PHF10: variants seen among roughly 807,000 people sequenced by gnomAD.
The protein encoded by PHF10 is PHD finger protein 10.
PHF10 carries 51 observed loss-of-function variants against 68.5 expected under a neutral mutation model. The observed-to-expected ratio is 0.74, with a 90% CI of 0.59 to 0.94. The LOEUF (loss-of-function observed/expected upper bound fraction) is 0.94, where lower values mean the gene tolerates loss of function less well. Ranked by LOEUF, PHF10 falls within the 40% of genes least tolerant of loss-of-function variation. The pLI, the probability that PHF10 is intolerant of heterozygous loss-of-function variation, is 0.00. For synonymous variants in PHF10, 204 were observed against 203.5 expected, an observed-to-expected ratio of 1.00 and a Z score of -0.02; for missense variants, 460 against 602.6, an observed-to-expected ratio of 0.76 and a Z score of 2.48.
Position 169,723,948 on chromosome 6 carries a change from C to G in PHF10, c.-17G>C. 1 of 778,326 alleles carries G rather than the reference C, an allele frequency of 1.3e-6. No individual in the cohort carries two copies. Among genetic ancestry groups the G allele is most frequent in the Middle Eastern group, 6.5e-4 (1 of 1,548 alleles). 48.2% of individuals were successfully genotyped at this position (778,326 alleles called of 1,614,324 possible). A position where few individuals can be genotyped will look rare whatever the true frequency, so the allele number is the denominator to read the frequency against. On this transcript the variant is annotated 5_prime_UTR_variant, in exon 1 of 12. Coordinates refer to ENST00000339209, the MANE Select transcript of PHF10 (RefSeq NM_018288.4). Reference sequence around the variant, plus strand: ...CGCCGCCATCAGCCCGAGCGCCCCGCGCCGCCGCCGCCGCCGTCGCCTCCG... The same window carrying G: ...CGCCGCCATCAGCCCGAGCGCCCCGGGCCGCCGCCGCCGCCGTCGCCTCCG...
At chr6:169,713,023 TAGAA>T (rs781238540) in intron 7 of PHF10, among the ~76,000 whole-genome samples, 9 of 152,196 alleles carry the variant, frequency 5.9e-5, no homozygotes, top group Non-Finnish European at 1.0e-4. Flanking sequence ...AATAATAACA[TAGAA>T]AGCAAAATTT....
At chr6:169,712,611 A>AAGAT (rs1475305472) in intron 7 of PHF10, 72 bp from the exon 8 acceptor site, 23 of 1,334,920 alleles carry the variant, frequency 1.7e-5, no homozygotes, top group Non-Finnish European at 2.3e-5. Flanking sequence ...TTGACCTATG[A>AAGAT]AGATAGCCTT....
In PHF10 at chr6:169,705,116, C is replaced by T; in HGVS notation, c.1411+17G>A. ...TCATCACCCAAAGATAATGTTTGCT[C>T]TTTTTTTAATCTTTACCTGATGGAA... On this transcript the variant is annotated intron_variant, in intron 11 of 11. Transcript: ENST00000339209. 1 of 1,571,692 alleles carries T rather than the reference C, an allele frequency of 6.4e-7. No individual in the cohort carries two copies. Among genetic ancestry groups the T allele is most frequent in the Non-Finnish European group, 8.6e-7 (1 of 1,156,382 alleles).
chr6:169,718,950 T>C (rs1789115651), intron 2 of PHF10, 32 bp from the exon 3 acceptor site: 1 of 1,385,936 alleles, frequency 7.2e-7, no homozygotes, highest in Non-Finnish European at 1.0e-6. Context: ...ATGCATTAAA[T>C]GTAGCTTTCA....
Position 169,705,307 on chromosome 6 carries a change from G to A in PHF10, c.1237C>T (p.Leu413=), listed in dbSNP as rs766880489. 22 of 1,607,220 alleles carry A rather than the reference G, an allele frequency of 1.4e-5. No individual in the cohort carries two copies. The African/African-American group carries it at 2.4e-4, about 18-fold the overall frequency. Reference sequence around the variant, plus strand: ...GAAACAAGCTCCATTGTCATATCCAGGCAAGAAGGATGGCCTAAATCAAAA... The same window carrying A: ...GAAACAAGCTCCATTGTCATATCCAAGCAAGAAGGATGGCCTAAATCAAAA... The part of the protein sequence containing the change: ...QCENSGHPSC[L]DMTMELVSMI... The change falls in exon 11 of 12, where the codon CTG becomes TTG. Residue 413 remains leucine (L), a synonymous_variant. Coordinates refer to ENST00000339209, the MANE Select transcript of PHF10 (RefSeq NM_018288.4).
chr6:169,715,100 TA>T (rs1253150921), intron 6 of PHF10, among the ~76,000 whole-genome samples: 3 of 152,192 alleles, frequency 2.0e-5, no homozygotes, highest in African/African-American at 7.2e-5. Context: ...CTGGGTAGCT[TA>T]TACGACCTCT....
chr6:169,708,129 A>G (rs183439904), intron 9 of PHF10: 9 of 152,308 alleles, frequency 5.9e-5, no homozygotes, highest in Non-Finnish European at 1.3e-4. Flanking sequence ...CACTATTGAC[A>G]AGAAAACTGA....
chr6:169,710,082 G>A (rs908681265), intron 9 of PHF10, 154 bp downstream of exon 9: 1 of 523,196 alleles, frequency 1.9e-6, no homozygotes, highest in African/African-American at 2.0e-5. Context: ...AGGAAATAAA[G>A]CAAAAAAGAA....
At chr6:169,707,449 A>C (rs907630063) in intron 9 of PHF10, 1 of 152,362 alleles carries the variant, frequency 6.6e-6, no homozygotes. Context: ...AAAACTAAGA[A>C]ATCTCTTGGT....
At position 169,712,424 on chromosome 6, in the gene PHF10, C is replaced by A. The variant is rs772356811; in HGVS notation, c.919G>T (p.Gly307Cys). The change falls in exon 8 of 12, where the codon GGT (glycine) becomes TGT (cysteine). Residue 307 changes from glycine (G) to cysteine (C), a missense_variant. Gly to Cys is a radical substitution (Grantham distance 159). This residue lies in a region of PHF10 where 256 missense variants were observed against 410.5 expected (regional missense o/e 0.62). Transcript: ENST00000339209. Reference sequence around the variant, plus strand: ...TTTTTCCGTTTCTCATCACCTCGACCATCTTCGCCATCATCTGAATCACCA... The same window carrying A: ...TTTTTCCGTTTCTCATCACCTCGACAATCTTCGCCATCATCTGAATCACCA... The part of the protein sequence containing the change: ...SDGDSDDGED[G>C]RGDEKRKNKG... 13 of 1,614,094 alleles carry A rather than the reference C, an allele frequency of 8.1e-6. No individual in the cohort carries two copies. The East Asian group carries it at 2.5e-4, about 30-fold the overall frequency.
intron 4 of PHF10, among the ~76,000 whole-genome samples, chr6:169,717,487 A>G (rs1789077333): frequency 6.6e-6 from 1 of 152,342 alleles, no homozygotes; most frequent in East Asian, 1.9e-4. Context: ...ATTTTAATAT[A>G]AAGTGTTGAA....
Position 169,705,127 on chromosome 6 carries a change from C to A in PHF10, c.1411+6G>T. On this transcript the variant is annotated splice_donor_region_variant and intron_variant, in intron 11 of 11. Coordinates refer to ENST00000339209, the MANE Select transcript of PHF10 (RefSeq NM_018288.4). ...AGATAATGTTTGCTCTTTTTTTAAT[C>A]TTTACCTGATGGAATAGCACCAAGG... The A allele has an allele frequency of 6.3e-7, 1 of 1,584,656 alleles. No individual in the cohort carries two copies. The highest frequency in any genetic ancestry group is 8.6e-7 in the Non-Finnish European group (1 of 1,164,694).
At chr6:169,706,814 A>G (rs1341040275) in intron 9 of PHF10, among the ~76,000 whole-genome samples, 2 of 151,348 alleles carry the variant, frequency 1.3e-5, no homozygotes, top group Non-Finnish European at 2.9e-5. Flanking sequence ...TTTTAAGTAG[A>G]ATTGTTTCAT....
intron 7 of PHF10, among the ~76,000 whole-genome samples, chr6:169,713,316 A>C (rs1192106322): frequency 3.3e-5 from 5 of 152,214 alleles, no homozygotes; most frequent in Non-Finnish European, 5.9e-5. Context: ...TAAAAATTAA[A>C]GGCCGGGTGC....
At position 169,717,816 on chromosome 6, in the gene PHF10, T is replaced by C. The variant is rs1789085684; in HGVS notation, c.409+7A>G. ...TTGAAAAATTCACATTAAAAAGCTA[T>C]TCTTACCTAGAGTGCACTGAGTTTC... is the stretch of plus-strand genomic sequence containing the variant. On this transcript the variant is annotated splice_region_variant and intron_variant, in intron 4 of 11. Coordinates refer to ENST00000339209, the MANE Select transcript of PHF10 (RefSeq NM_018288.4). 3.1e-6 allele frequency: 4 copies of C among 1,299,908 alleles called. No homozygotes were observed. Among genetic ancestry groups the C allele is most frequent in the African/African-American group, 1.5e-5 (1 of 68,892 alleles). 80.5% of individuals were successfully genotyped at this position (1,299,908 alleles called of 1,614,324 possible).
chr6:169,706,747 C>T (rs867301925), intron 9 of PHF10, among the ~76,000 whole-genome samples: 19 of 147,880 alleles, frequency 1.3e-4, no homozygotes, highest in Non-Finnish European at 1.2e-4. Context: ...CACACACACA[C>T]ACACACACAC....
chr6:169,705,084 G>A (rs904665803), intron 11 of PHF10, 49 bp downstream of exon 11: 2 of 1,416,212 alleles, frequency 1.4e-6, no homozygotes, highest in East Asian at 2.3e-5. Flanking sequence ...GGAGTGCTGG[G>A]AGAGTCTCAT....
intron 7 of PHF10, 137 bp downstream of exon 7, chr6:169,714,593 GAGA>G (rs1178677226): frequency 1.5e-6 from 1 of 649,694 alleles, no homozygotes; most frequent in Admixed American, 2.6e-5. Flanking sequence ...CACAGAACCA[GAGA>G]AGAATAGCAA....
At chr6:169,715,591 C>T in intron 6 of PHF10, 117 bp downstream of exon 6, 1 of 909,578 alleles carries the variant, frequency 1.1e-6, no homozygotes, top group Non-Finnish European at 1.7e-6. Flanking sequence ...AACAAACAAA[C>T]AAAAAAAACA....
Sources: allele counts gnomAD v4.1 joint callset (sites outside exome capture counted in the v4.1 genomes callset), GRCh38; gene constraint gnomAD v4.1.1; regional missense constraint gnomAD v4.1.1; transcripts MANE v1.5; gene names NCBI Gene and HGNC (gene_info 2026-07-23, HGNC 2026-07-21).